TNKS: variants seen among roughly 807,000 people sequenced by gnomAD.
TNKS encodes the protein tankyrase.
In TNKS, 72 loss-of-function variants were observed where a neutral mutation model predicts 135.8. The ratio of observed to expected loss-of-function variants is 0.53; its 90% CI spans 0.44 to 0.64. The LOEUF (loss-of-function observed/expected upper bound fraction) is 0.64, where lower values mean the gene tolerates loss of function less well. Among genes scored for constraint, TNKS ranks in the 30% least tolerant of loss-of-function variants. The pLI is 0.00. For missense variants in TNKS, 1,769 were observed against 1,674.0 expected (o/e 1.06, Z -0.99); for synonymous variants, 849 against 649.3 (o/e 1.31, Z -4.68).
In TNKS at chr8:9,693,210, C is replaced by T. The variant is rs1363435393; in HGVS notation, c.1108-11453C>T. On this transcript the variant is annotated intron_variant, in intron 5 of 26. Coordinates refer to ENST00000310430, the MANE Select transcript of TNKS (RefSeq NM_003747.3). The stretch of plus-strand genomic sequence containing the variant: ...AGAACATTACTAAATAATTATGGTA[C>T]AGCCACACAATGGAAATACTGTACA... Among the ~76,000 whole-genome samples, 3 of 152,078 alleles carry T rather than the reference C, an allele frequency of 2.0e-5. No individual in the cohort carries two copies. In the South Asian group the frequency reaches 6.2e-4, roughly 32 times the overall value.
chr8:9,679,476 G>GT (rs903658878), intron 3 of TNKS, among the ~76,000 whole-genome samples: 138 of 148,526 alleles, frequency 9.3e-4, no homozygotes, highest in African/African-American at 2.9e-3. Flanking sequence ...AGTAATTAAT[G>GT]TTTTTTTTTT....
Position 9,580,182 on chromosome 8 carries a change from G to T in TNKS, c.697G>T (p.Glu233Ter). The change falls in exon 2 of 27, where the codon GAA (glutamate) becomes TAA (stop). Residue 233 changes from glutamate (E) to a stop codon, truncating the protein, a stop_gained. Coordinates refer to ENST00000310430, the MANE Select transcript of TNKS (RefSeq NM_003747.3). LOFTEE classifies it high-confidence loss of function. ...AAGFGRKDVV[E>*]HLLQMGANVH... ...AGGTTTTGGAAGGAAGGATGTTGTAGAACACTTACTACAGATGGGTGCTAA... is the reference window on the plus strand; with the variant it reads ...AGGTTTTGGAAGGAAGGATGTTGTATAACACTTACTACAGATGGGTGCTAA... 1 of 1,614,138 alleles carries T rather than the reference G, an allele frequency of 6.2e-7. No homozygotes were observed. Among genetic ancestry groups the T allele is most frequent in the Non-Finnish European group, 8.5e-7 (1 of 1,180,004 alleles).
rs547462109 is a variant in TNKS, at chr8:9,765,937, T to C, written c.3553+140T>C. ...TGATTATTTTGTTCAAATAATTACT[T>C]CTTGGTACCAGCTTTCTAATGTATC... On this transcript the variant is annotated intron_variant, in intron 24 of 26. Coordinates refer to ENST00000310430, the MANE Select transcript of TNKS (RefSeq NM_003747.3). 3 of 687,994 alleles carry C rather than the reference T, an allele frequency of 4.4e-6. No individual in the cohort carries two copies. In the East Asian group the frequency reaches 8.2e-5, roughly 19 times the overall value. 42.6% of individuals were successfully genotyped at this position (687,994 alleles called of 1,614,324 possible).
At chr8:9,677,555 T>G (rs1451389353) in intron 3 of TNKS, among the ~76,000 whole-genome samples, 1 of 152,188 alleles carries the variant, frequency 6.6e-6, no homozygotes. Context: ...TATCAGGGAA[T>G]TTATACTTTA....
At chr8:9,686,530 C>G (rs1803008019) in intron 5 of TNKS, among the ~76,000 whole-genome samples, 1 of 152,104 alleles carries the variant, frequency 6.6e-6, no homozygotes, top group Admixed American at 6.5e-5. Flanking sequence ...TGCTTATTAT[C>G]TATTGGGCAA....
rs1805567469 is a variant in TNKS at position 9,733,953 on chromosome 8, G to C, written c.2313+509G>C. On this transcript the variant is annotated intron_variant, in intron 15 of 26. Coordinates refer to ENST00000310430, the MANE Select transcript of TNKS (RefSeq NM_003747.3). ...ACATGTAAAAGAGTGAAAACTAGTA[G>C]TTATATGAAACTAACTATAATTTAT... Among the ~76,000 whole-genome samples the C allele has an allele frequency of 2.0e-5, 3 of 151,224 alleles. No individual in the cohort carries two copies. In the South Asian group the frequency reaches 6.4e-4, roughly 32 times the overall value.
rs1805627546 is a variant in TNKS at position 9,735,100 on chromosome 8, G to A, written c.2533+16G>A. The A allele has an allele frequency of 1.2e-6, 2 of 1,603,324 alleles. No individual in the cohort carries two copies. Among genetic ancestry groups the A allele is most frequent in the Non-Finnish European group, 1.7e-6 (2 of 1,175,844 alleles). On this transcript the variant is annotated intron_variant, in intron 16 of 26. Coordinates refer to ENST00000310430, the MANE Select transcript of TNKS (RefSeq NM_003747.3). ...CACCTGGCAGGTAAGCGCCCCCAGTGCCTCCAAGCCTCCTTTTCCTTTCTC... is the reference window on the plus strand; with the variant it reads ...CACCTGGCAGGTAAGCGCCCCCAGTACCTCCAAGCCTCCTTTTCCTTTCTC...
chr8:9,768,527 A>G lies in TNKS; in HGVS notation c.3741-1579A>G, dbSNP rs373803708. On this transcript the variant is annotated intron_variant, in intron 25 of 26. Transcript: ENST00000310430. Reference sequence around the variant, plus strand: ...GCGTCTGCAGAATGCACCACAATGCACCAGACAAGCCAGTGAGCAGACTTG... The same window carrying G: ...GCGTCTGCAGAATGCACCACAATGCGCCAGACAAGCCAGTGAGCAGACTTG... Among the ~76,000 whole-genome samples, 3 of 152,350 alleles carry G rather than the reference A, an allele frequency of 2.0e-5. No individual in the cohort carries two copies. The East Asian group carries it at 5.8e-4, about 29-fold the overall frequency.
intron 3 of TNKS, among the ~76,000 whole-genome samples, chr8:9,675,573 C>G (rs1000821348): frequency 6.6e-6 from 1 of 152,132 alleles, no homozygotes; most frequent in African/African-American, 2.4e-5. Flanking sequence ...CTTGCAAGCT[C>G]ATCTGTAAAT....
At chr8:9,724,584 A>G (rs887248651) in intron 12 of TNKS, among the ~76,000 whole-genome samples, 1 of 152,140 alleles carries the variant, frequency 6.6e-6, no homozygotes, top group Non-Finnish European at 1.5e-5. Context: ...GCATCACTTT[A>G]TACAAAGTTC....
intron 3 of TNKS, among the ~76,000 whole-genome samples, chr8:9,667,454 T>C (rs1802048554): frequency 6.6e-6 from 1 of 152,210 alleles, no homozygotes; most frequent in African/African-American, 2.4e-5. Context: ...AGGGCTGAAG[T>C]TTTGGGAGTC....
intron 3 of TNKS, among the ~76,000 whole-genome samples, chr8:9,668,703 G>T (rs939308200): frequency 6.6e-6 from 1 of 152,162 alleles, no homozygotes; most frequent in Non-Finnish European, 1.5e-5. Context: ...ATTTTAACAA[G>T]TGCAAATGAT....
chr8:9,612,179 T>C (rs971145587), intron 2 of TNKS, among the ~76,000 whole-genome samples: 1 of 152,166 alleles, frequency 6.6e-6, no homozygotes, highest in Admixed American at 6.5e-5. Context: ...GCTTCTCAAA[T>C]TGTCTATGGT....
intron 15 of TNKS, among the ~76,000 whole-genome samples, chr8:9,733,964 C>T (rs75744497): frequency 2.7e-4 from 41 of 151,626 alleles, no homozygotes; most frequent in Non-Finnish European, 5.0e-4. Context: ...TTATATGAAA[C>T]TAACTATAAT....
rs969852144 is a variant in TNKS at position 9,643,114 on chromosome 8, A to AC, written c.994+27437_994+27438insC. Among the ~76,000 whole-genome samples, 9 of 146,362 alleles carry AC rather than the reference A, an allele frequency of 6.1e-5. 1 individual carries two copies. The highest frequency in any genetic ancestry group is 1.2e-4 in the Non-Finnish European group (8 of 66,756). On this transcript the variant is annotated intron_variant, in intron 3 of 26. Transcript: ENST00000310430. ...AAAGCTTGAGAAGTCCATTTTTATT[A>AC]AAAATTTACTCATTAGACATAATCT...
intron 3 of TNKS, among the ~76,000 whole-genome samples, chr8:9,672,011 T>C (rs957702171): frequency 6.6e-6 from 1 of 152,234 alleles, no homozygotes; most frequent in African/African-American, 2.4e-5. Flanking sequence ...CTACACTCTC[T>C]GCCCGTTAGG....
At chr8:9,747,173 G>A (rs1423367306) in intron 17 of TNKS, among the ~76,000 whole-genome samples, 1 of 151,926 alleles carries the variant, frequency 6.6e-6, no homozygotes, top group African/African-American at 2.4e-5. Context: ...GTGAGCCACC[G>A]CACCCAGCCC....
chr8:9,556,763 T>G, intron 1 of TNKS, 151 bp downstream of exon 1: 7 of 629,842 alleles, frequency 1.1e-5, no homozygotes, highest in South Asian at 4.3e-5. Context: ...TCCTTTCTTT[T>G]GGTGGTGCCT....
At chr8:9,608,791 TG>T (rs1799333977) in intron 2 of TNKS, among the ~76,000 whole-genome samples, 1 of 152,232 alleles carries the variant, frequency 6.6e-6, no homozygotes, top group African/African-American at 2.4e-5. Flanking sequence ...TTTATGTGGT[TG>T]GCAAATTGTG....
Sources: allele counts gnomAD v4.1 joint callset (sites outside exome capture counted in the v4.1 genomes callset), GRCh38; gene constraint gnomAD v4.1.1; transcripts MANE v1.5; gene names NCBI Gene and HGNC (gene_info 2026-07-23, HGNC 2026-07-21).